The following CIB1 variants were observed in gnomAD, a reference collection of about 807,000 sequenced individuals.
The protein encoded by CIB1 is calcium and integrin-binding protein 1.
A neutral mutation model predicts 25.0 loss-of-function variants in CIB1; 19 were observed. That is an observed-to-expected ratio of 0.76 (90% CI 0.53 to 1.12). CIB1 has a LOEUF of 1.12. Ranked by LOEUF, CIB1 falls within the 50% of genes most tolerant of loss-of-function variation. The pLI, the probability that CIB1 is intolerant of heterozygous loss-of-function variation, is 0.00. For synonymous variants in CIB1, 104 were observed against 98.5 expected (o/e 1.06, Z -0.33); for missense variants, 236 against 242.6 (o/e 0.97, Z 0.18).
upstream of CIB1, among the ~76,000 whole-genome samples, chr15:90,236,690 C>T (rs1210793653): frequency 2.6e-5 from 4 of 151,826 alleles, no homozygotes; most frequent in African/African-American, 7.3e-5. Flanking sequence ...TGCACCACCA[C>T]GCCCAGCTAA....
the CIB1 span, chr15:90,258,181 A>C: frequency 6.2e-7 from 1 of 1,614,120 alleles, no homozygotes; most frequent in African/African-American, 1.3e-5. Flanking sequence ...TGTTTTCCCC[A>C]GTATCTGAAT....
intron 3 of CIB1, 59 bp from the exon 4 acceptor site, chr15:90,231,566 G>T: frequency 6.3e-7 from 1 of 1,579,422 alleles, no homozygotes; most frequent in Middle Eastern, 1.9e-4. Flanking sequence ...AAGCCTACCA[G>T]AAACTTGAGA....
chr15:90,261,577 G>A, the CIB1 span, among the ~76,000 whole-genome samples: 1 of 151,818 alleles, frequency 6.6e-6, no homozygotes, highest in African/African-American at 2.4e-5. Flanking sequence ...TGGATCACTT[G>A]AGGTCCGGCC....
the CIB1 span, chr15:90,262,466 T>A: frequency 6.9e-7 from 1 of 1,451,368 alleles, no homozygotes. Context: ...ATTTCTCTAC[T>A]GTCTGAAGCT....
chr15:90,258,249 T>G, the CIB1 span: 1 of 1,614,248 alleles, frequency 6.2e-7, no homozygotes, highest in East Asian at 2.2e-5. Flanking sequence ...GGACCACAAG[T>G]TGAAGCCCTG....
At chr15:90,253,155 G>A in the CIB1 span, 29 of 852,238 alleles carry the variant, frequency 3.4e-5, no homozygotes, top group Non-Finnish European at 2.8e-5. Context: ...ACCTGCCCTC[G>A]GGTCAGGTGT....
At chr15:90,265,653 T>G in the CIB1 span, 2 of 1,599,176 alleles carry the variant, frequency 1.3e-6, no homozygotes, top group Non-Finnish European at 1.7e-6. Context: ...ACTTCCGGTC[T>G]TACCCGGCTA....
At chr15:90,257,147 A>T in the CIB1 span, 9 of 1,613,304 alleles carry the variant, frequency 5.6e-6, no homozygotes, top group South Asian at 9.9e-5. Flanking sequence ...GCCCCTCCTC[A>T]TTGATGGCTT....
At chr15:90,234,079 G>C (rs1005875802), upstream of CIB1, 8 of 521,898 alleles carry the variant, frequency 1.5e-5, no homozygotes, top group African/African-American at 8.0e-5. Flanking sequence ...GGCTCCAAGC[G>C]GTCCTAGGCG....
upstream of CIB1, among the ~76,000 whole-genome samples, chr15:90,236,459 A>G (rs1375914045): frequency 2.0e-5 from 3 of 152,202 alleles, no homozygotes; most frequent in Admixed American, 2.0e-4. Context: ...TTTGGTTTTC[A>G]TTTTGCTTCC....
the CIB1 span, chr15:90,241,808 A>G: frequency 6.2e-7 from 1 of 1,614,114 alleles, no homozygotes; most frequent in Non-Finnish European, 8.5e-7. Flanking sequence ...CGGGAAAGAC[A>G]TCACCTTCCT....
chr15:90,231,635 C>T (rs1962496030), intron 3 of CIB1, 128 bp from the exon 4 acceptor site: 1 of 1,096,214 alleles, frequency 9.1e-7, no homozygotes, highest in Non-Finnish European at 1.3e-6. Flanking sequence ...ACAGTCAGTG[C>T]TTTGGGGCCA....
chr15:90,247,239 G>T, the CIB1 span, among the ~76,000 whole-genome samples: 1 of 150,540 alleles, frequency 6.6e-6, no homozygotes, highest in Non-Finnish European at 1.5e-5. Context: ...CTCCCAAAGT[G>T]CTGGGATTAC....
the CIB1 span, among the ~76,000 whole-genome samples, chr15:90,256,581 C>CT: frequency 2.8e-5 from 1 of 35,660 alleles, no homozygotes; most frequent in Non-Finnish European, 5.4e-5. Flanking sequence ...TTCTTTCTTT[C>CT]TTTCTTTCTT....
chr15:90,246,241 C>G, the CIB1 span, among the ~76,000 whole-genome samples: 3 of 151,828 alleles, frequency 2.0e-5, no homozygotes, highest in African/African-American at 7.3e-5. Context: ...CCATTGCACT[C>G]CAGCCTGGGT....
chr15:90,247,969 G>A, the CIB1 span, among the ~76,000 whole-genome samples: 404 of 151,974 alleles, frequency 2.7e-3, 1 homozygote, highest in Non-Finnish European at 4.1e-3. Context: ...TCTTGATCTC[G>A]TGACCTGGTG....
At chr15:90,246,546 T>A in the CIB1 span, among the ~76,000 whole-genome samples, 4 of 151,972 alleles carry the variant, frequency 2.6e-5, no homozygotes, top group South Asian at 6.2e-4. Flanking sequence ...AGCAGCACTT[T>A]GGGAGACCCA....
At chr15:90,249,921 G>A in the CIB1 span, 5 of 151,454 alleles carry the variant, frequency 3.3e-5, no homozygotes, top group African/African-American at 4.8e-5. Flanking sequence ...CAGCGTAGGG[G>A]GCTTTTGGTC....
At chr15:90,248,317 C>T in the CIB1 span, among the ~76,000 whole-genome samples, 1 of 152,288 alleles carries the variant, frequency 6.6e-6, no homozygotes, top group African/African-American at 2.4e-5. Context: ...TTATCACTAA[C>T]CTATGTTCCT....
Sources: gnomAD v4.1 joint callset for allele counts (sites outside exome capture counted in the v4.1 genomes callset) on GRCh38, gnomAD v4.1.1 for gene constraint, MANE v1.5 for transcripts, NCBI Gene and HGNC (gene_info 2026-07-23, HGNC 2026-07-21) for gene names.